PHC3: variants seen among roughly 807,000 people sequenced by gnomAD.
The protein encoded by PHC3 is polyhomeotic homolog 3, also known as polyhomeotic-like protein 3.
A neutral mutation model predicts 107.4 loss-of-function variants in PHC3; 13 were observed. The observed-to-expected ratio is 0.12, with a 90% CI of 0.08 to 0.19. PHC3 has a LOEUF of 0.19. Ranked by LOEUF, PHC3 falls within the 10% of genes least tolerant of loss-of-function variation. The probability of loss-of-function intolerance (pLI) is 1.00; values close to 1 mark genes in which losing one functional copy is unlikely to be tolerated. For missense variants in PHC3, 992 were observed against 1,210.9 expected (o/e 0.82, Z 2.68); for synonymous variants, 456 against 427.4 (o/e 1.07, Z -0.83).
intron 6 of PHC3, 122 bp from the exon 7 acceptor site, chr3:170,136,787 A>G: frequency 2.0e-6 from 2 of 994,370 alleles, no homozygotes; most frequent in Non-Finnish European, 2.9e-6. Context: ...GTAAAGCTCC[A>G]AGCACTTGAA....
intron 9 of PHC3, among the ~76,000 whole-genome samples, chr3:170,117,856 AAAC>A (rs1353976819): frequency 6.6e-6 from 1 of 151,978 alleles, no homozygotes; most frequent in Non-Finnish European, 1.5e-5. Flanking sequence ...AAAAAAAAAA[AAAC>A]AAAATTAGCA....
At position 170,129,252 on chromosome 3, in the gene PHC3, G is replaced by C; in HGVS notation, c.1220C>G (p.Ser407Cys). Reference sequence around the variant, plus strand: ...AGGTGGTGGAGGAGACACCACTACAGACTGCTGTGCTGACTGTGACTGATT... The same window carrying C: ...AGGTGGTGGAGGAGACACCACTACACACTGCTGTGCTGACTGTGACTGATT... The part of the protein sequence containing the change: ...SPNQSQSAQQ[S>C]VVVSPPPPHS... Residue 407 changes from serine (S) to cysteine (C), a missense_variant, in exon 8 of 15, where the codon TCT becomes TGT. By Grantham distance (112) the Ser-to-Cys change is moderately radical. This residue lies in a region of PHC3 where 543 missense variants were observed against 590.8 expected (regional missense o/e 0.92). Coordinates refer to ENST00000495893, the MANE Select transcript of PHC3 (RefSeq NM_024947.4). The C allele has an allele frequency of 6.2e-7, 1 of 1,613,704 alleles. No homozygotes were observed. The highest frequency in any genetic ancestry group is 8.5e-7 in the Non-Finnish European group (1 of 1,179,624).
intron 7 of PHC3, among the ~76,000 whole-genome samples, chr3:170,131,907 C>T (rs186111781): frequency 1.3e-5 from 2 of 152,156 alleles, no homozygotes; most frequent in Non-Finnish European, 2.9e-5. Context: ...AGAGCTGTGA[C>T]AATTCAACAG....
chr3:170,148,978 T>A, intron 5 of PHC3, 108 bp downstream of exon 5: 1 of 1,176,006 alleles, frequency 8.5e-7, no homozygotes, highest in Non-Finnish European at 1.2e-6. Context: ...ACACACACAA[T>A]TAAACATTTC....
chr3:170,152,161 T>TTTTTG (rs758555637), intron 4 of PHC3, among the ~76,000 whole-genome samples: 2 of 151,558 alleles, frequency 1.3e-5, no homozygotes, highest in African/African-American at 2.4e-5. Flanking sequence ...ATTTTGTTTG[T>TTTTTG]TTTTGTTTTG....
intron 10 of PHC3, among the ~76,000 whole-genome samples, chr3:170,115,108 T>C (rs531813629): frequency 6.6e-6 from 1 of 152,288 alleles, no homozygotes; most frequent in Non-Finnish European, 1.5e-5. Context: ...TAGGAATTCA[T>C]ACTAAGAAAC....
At chr3:170,122,433 G>A (rs914767197) in intron 9 of PHC3, among the ~76,000 whole-genome samples, 158 bp downstream of exon 9, 2 of 151,920 alleles carry the variant, frequency 1.3e-5, no homozygotes, top group South Asian at 2.1e-4. Flanking sequence ...GTAAAACCTC[G>A]TCACCATAAA....
chr3:170,160,021 CT>C (rs1214885436), intron 4 of PHC3, among the ~76,000 whole-genome samples: 1 of 152,150 alleles, frequency 6.6e-6, no homozygotes, highest in Non-Finnish European at 1.5e-5. Flanking sequence ...AAACAAAATT[CT>C]TATCATACTG....
At chr3:170,103,177 T>C (rs1018865486) in intron 12 of PHC3, among the ~76,000 whole-genome samples, 40 of 152,216 alleles carry the variant, frequency 2.6e-4, no homozygotes, top group Non-Finnish European at 1.0e-4. Context: ...TAACAAGGTA[T>C]TGTATTTTTT....
Position 170,117,451 on chromosome 3 carries a change from T to A in PHC3, c.1968A>T (p.Ala656=). 1 of 1,612,948 alleles carries A rather than the reference T, an allele frequency of 6.2e-7. No homozygotes were observed. The highest frequency in any genetic ancestry group is 1.3e-5 in the African/African-American group (1 of 75,012). Residue 656 remains alanine (A), a synonymous_variant, in exon 10 of 15, where the codon GCA becomes GCT. Transcript: ENST00000495893. ...ATTTAATTACTGAAGCACTGACTGA[T>A]GCCACAGCAGGTAATTCCACTTGCT... ...LLEQVELPAV[A]SVSASVIKSP...
intron 11 of PHC3, among the ~76,000 whole-genome samples, chr3:170,109,527 T>A (rs183075937): frequency 6.6e-6 from 1 of 152,256 alleles, no homozygotes; most frequent in Admixed American, 6.5e-5. Context: ...TAAATTCCTA[T>A]CTTCTTTAAT....
intron 8 of PHC3, among the ~76,000 whole-genome samples, chr3:170,126,794 GC>G: frequency 6.6e-6 from 1 of 151,874 alleles, no homozygotes; most frequent in Non-Finnish European, 1.5e-5. Flanking sequence ...ACCTGCCTTG[GC>G]CTCCCAAAGT....
rs1714333646 is a variant in PHC3 at position 170,093,643 on chromosome 3, G to A, written c.*3587C>T. ...ATTGTGGTACCAAAAGCCTGAAGAT[G>A]TACATAATGTACTTTAAGACATTTA... On this transcript the variant is annotated 3_prime_UTR_variant, in exon 15 of 15. Transcript: ENST00000495893. 1 of 152,172 alleles carries A rather than the reference G, an allele frequency of 6.6e-6. No homozygotes were observed. Among genetic ancestry groups the A allele is most frequent in the Non-Finnish European group, 1.5e-5 (1 of 68,048 alleles). 9.4% of individuals were successfully genotyped at this position (152,172 alleles called of 1,614,324 possible). A position where few individuals can be genotyped will look rare whatever the true frequency, so the allele number is the denominator to read the frequency against.
Position 170,117,785 on chromosome 3 carries a change from G to A in PHC3, c.1943-309C>T, listed in dbSNP as rs373724768. 6.3e-4 allele frequency among the ~76,000 whole-genome samples: 95 copies of A among 150,098 alleles called. 1 individual carries two copies. Among genetic ancestry groups the A allele is most frequent in the African/African-American group, 2.3e-3 (92 of 40,782 alleles). On this transcript the variant is annotated intron_variant, in intron 9 of 14. Coordinates refer to ENST00000495893, the MANE Select transcript of PHC3 (RefSeq NM_024947.4). ...GGTCAAGGTGGGTGGATCACCTGAGGAGAATTCGAGACCATCCTGGCCAAC... is the reference window on the plus strand; with the variant it reads ...GGTCAAGGTGGGTGGATCACCTGAGAAGAATTCGAGACCATCCTGGCCAAC...
intron 4 of PHC3, among the ~76,000 whole-genome samples, chr3:170,165,628 C>T (rs1051252454): frequency 6.6e-6 from 1 of 151,670 alleles, no homozygotes; most frequent in Admixed American, 6.6e-5. Context: ...GTGGTAAACG[C>T]CTGTAATTCC....
chr3:170,091,935 T>C lies in PHC3; in HGVS notation c.*5295A>G, dbSNP rs933836936. On this transcript the variant is annotated 3_prime_UTR_variant, in exon 15 of 15. Coordinates refer to ENST00000495893, the MANE Select transcript of PHC3 (RefSeq NM_024947.4). ...TTGAAGAAAGCTTATATAACTACTG[T>C]GAACAAAACTATATGATACATTTTA... 4 of 152,328 alleles carry C rather than the reference T, an allele frequency of 2.6e-5. No homozygotes were observed. The highest frequency in any genetic ancestry group is 5.9e-5 in the Non-Finnish European group (4 of 68,020). 9.4% of individuals were successfully genotyped at this position (152,328 alleles called of 1,614,324 possible).
chr3:170,170,040 C>A (rs1305678576), intron 4 of PHC3: 1 of 150,094 alleles, frequency 6.7e-6, no homozygotes, highest in Admixed American at 6.6e-5. Context: ...GACATTCCCA[C>A]GCCAAAAAAA....
intron 6 of PHC3, among the ~76,000 whole-genome samples, chr3:170,143,063 G>A (rs1394389935): frequency 1.3e-5 from 2 of 152,132 alleles, no homozygotes; most frequent in African/African-American, 2.4e-5. Flanking sequence ...TGTAATCCCA[G>A]CCACTCAGGA....
At chr3:170,127,414 A>ACC (rs1386369626) in intron 8 of PHC3, among the ~76,000 whole-genome samples, 2 of 151,988 alleles carry the variant, frequency 1.3e-5, no homozygotes, top group Non-Finnish European at 2.9e-5. Flanking sequence ...TGATCTGCCC[A>ACC]CCTCAGCTTC....
Sources: allele counts gnomAD v4.1 joint callset (sites outside exome capture counted in the v4.1 genomes callset), GRCh38; gene constraint gnomAD v4.1.1; regional missense constraint gnomAD v4.1.1; transcripts MANE v1.5; gene names NCBI Gene and HGNC (gene_info 2026-07-23, HGNC 2026-07-21).